The following SERPINA12 variants were observed in gnomAD, a reference collection of about 807,000 sequenced individuals.
The protein encoded by SERPINA12 is serpin family A member 12, also known as serpin A12.
SERPINA12 carries 21 observed loss-of-function variants against 25.9 expected under a neutral mutation model. The ratio of observed to expected loss-of-function variants is 0.81; its 90% confidence interval spans 0.58 to 1.17. The LOEUF (loss-of-function observed/expected upper bound fraction) is 1.17, where lower values mean the gene tolerates loss of function less well. Ranked by LOEUF, SERPINA12 falls within the 50% of genes most tolerant of loss-of-function variation. The pLI is 0.00. For synonymous variants in SERPINA12, 220 were observed against 196.0 expected (o/e 1.12, Z -1.02); for missense variants, 562 against 508.3 (o/e 1.11, Z -1.02).
rs187100244 is a variant in SERPINA12, at chr14:94,507,936, C to T, written c.-34+1406G>A. Among the ~76,000 whole-genome samples, 475 of 152,286 alleles carry T rather than the reference C, an allele frequency of 3.1e-3. 3 individuals carry two copies. Among genetic ancestry groups the T allele is most frequent in the Non-Finnish European group, 5.6e-3 (381 of 68,018 alleles). ...TGTGATAGACCTAAAGTGGAAACAA[C>T]CCAGATGTCCATTTATAGTAGAGAA... On this transcript the variant is annotated intron_variant, in intron 1 of 4. Transcript: ENST00000677451.
chr14:94,510,748 G>A (rs1015153536), upstream of SERPINA12, among the ~76,000 whole-genome samples: 4 of 152,174 alleles, frequency 2.6e-5, no homozygotes, highest in African/African-American at 9.7e-5. Flanking sequence ...ACACACCATG[G>A]AATACCACTC....
Position 94,487,514 on chromosome 14 carries a change from A to AGTCAAG in SERPINA12, c.1054-26_1054-21dup. ...CACAGCCTACGGAAGCCAAGGGCAA[A>AGTCAAG]GTCAAGGTCTGCCAAGCTCCTTGGC... is the stretch of plus-strand genomic sequence containing the variant. On this transcript the variant is annotated intron_variant, in intron 4 of 4. Transcript: ENST00000677451. 6.3e-7 allele frequency: 1 copy of AGTCAAG among 1,588,346 alleles called. No homozygotes were observed. Among genetic ancestry groups the AGTCAAG allele is most frequent in the East Asian group, 2.3e-5 (1 of 44,390 alleles).
chr14:94,509,775 A>C (rs777698837), upstream of SERPINA12, among the ~76,000 whole-genome samples: 2 of 152,244 alleles, frequency 1.3e-5, no homozygotes, highest in Non-Finnish European at 2.9e-5. Context: ...TTTGGCACCC[A>C]GTAAACCTCA....
In SERPINA12 at chr14:94,498,327, C is replaced by T. The variant is rs1232490711; in HGVS notation, c.71G>A (p.Ser24Asn). 2 of 1,614,086 alleles carry T rather than the reference C, an allele frequency of 1.2e-6. No homozygotes were observed. Among genetic ancestry groups the T allele is most frequent in the East Asian group, 2.2e-5 (1 of 44,884 alleles). ...AGCTTTATAATTCCTTGGTGAGAAG[C>T]TCGGCTTTAGAAGACCTTTCACCGT... ...LLTVKGLLKP[S>N]FSPRNYKALS... Residue 24 changes from serine to asparagine, a missense_variant, in exon 2 of 5, where the codon AGC (serine) becomes AAC (asparagine). Ser to Asn is a conservative substitution (Grantham distance 46). Transcript: ENST00000677451.
intron 4 of SERPINA12, 96 bp downstream of exon 4, chr14:94,489,524 T>C: frequency 2.1e-6 from 3 of 1,405,988 alleles, no homozygotes; most frequent in Non-Finnish European, 2.9e-6. Flanking sequence ...GTGGGTGGAG[T>C]CTCGGCTCTG....
At chr14:94,514,402 A>T (rs146137927), upstream of SERPINA12, among the ~76,000 whole-genome samples, 362 of 152,306 alleles carry the variant, frequency 2.4e-3, 2 homozygotes, top group African/African-American at 8.1e-3. Flanking sequence ...ACAGAGCTGG[A>T]CGCCACAGCT....
intron 3 of SERPINA12, among the ~76,000 whole-genome samples, chr14:94,492,330 A>G (rs758628289): frequency 2.2e-4 from 33 of 152,114 alleles, no homozygotes; most frequent in Non-Finnish European, 4.1e-4. Flanking sequence ...GACGAAATGG[A>G]GGAATAACTG....
At chr14:94,501,377 A>G (rs74077731) in intron 1 of SERPINA12, among the ~76,000 whole-genome samples, 4,455 of 152,172 alleles carry the variant, frequency 0.029, 225 homozygotes, top group African/African-American at 0.1. Flanking sequence ...GAAGGAACCC[A>G]CAGAAAGCAC....
chr14:94,509,117 A>C (rs529206774), intron 1 of SERPINA12, among the ~76,000 whole-genome samples: 1 of 152,262 alleles, frequency 6.6e-6, no homozygotes, highest in African/African-American at 2.4e-5. Context: ...CCATAAATGA[A>C]AGCATGGCCA....
chr14:94,492,316 G>A (rs1900210281), intron 3 of SERPINA12, among the ~76,000 whole-genome samples: 1 of 152,178 alleles, frequency 6.6e-6, no homozygotes, highest in Non-Finnish European at 1.5e-5. Context: ...TGCAAAGGGG[G>A]AGTGACGAAA....
Position 94,498,531 on chromosome 14 carries a change from T to C in SERPINA12, c.-33-101A>G, listed in dbSNP as rs150114654. On this transcript the variant is annotated intron_variant, in intron 1 of 4. Coordinates refer to ENST00000677451, the MANE Select transcript of SERPINA12 (RefSeq NM_001382267.1). Reference sequence around the variant, plus strand: ...GAAATACAGTGACTATTATGTGTTGTACATAGCAGTTTATGAGTGCTTTGA... The same window carrying C: ...GAAATACAGTGACTATTATGTGTTGCACATAGCAGTTTATGAGTGCTTTGA... The C allele has an allele frequency of 1.6e-3, 1,499 of 958,420 alleles. 9 individuals are homozygous for C. The African/African-American group carries it at 0.018, about 12-fold the overall frequency. The allele number at this position is 958,420 out of a possible 1,614,324, so 59.4% of individuals were successfully genotyped here.
upstream of SERPINA12, among the ~76,000 whole-genome samples, chr14:94,512,558 T>C (rs556950856): frequency 6.6e-6 from 1 of 152,284 alleles, no homozygotes; most frequent in Admixed American, 6.5e-5. Flanking sequence ...GCTGATTCTG[T>C]TCATCCAAGT....
intron 1 of SERPINA12, among the ~76,000 whole-genome samples, chr14:94,505,329 C>T (rs1900893003): frequency 6.6e-6 from 1 of 152,180 alleles, no homozygotes. Flanking sequence ...CCTAGATGAA[C>T]AAGGACATGG....
intron 1 of SERPINA12, among the ~76,000 whole-genome samples, chr14:94,516,838 G>A (rs1216839424): frequency 2.6e-5 from 4 of 152,232 alleles, no homozygotes; most frequent in Non-Finnish European, 5.9e-5. Context: ...TCTGAACACA[G>A]GGGTCAGGGT....
rs201557850 is a variant in SERPINA12 at position 94,498,115 on chromosome 14, G to C, written c.283C>G (p.Leu95Val). ...TTGAACCCCTGCTTGATCTCGTCCA[G>C]GGTGCTGTCCTGGGCACCCAGGCAC... ...MLCLGAQDST[L>V]DEIKQGFNFR... The change falls in exon 2 of 5, where the codon CTG becomes GTG. Residue 95 changes from leucine (L) to valine (V), a missense_variant. Transcript: ENST00000677451. 15 of 1,614,138 alleles carry C rather than the reference G, an allele frequency of 9.3e-6. No homozygotes were observed. The East Asian group carries it at 3.1e-4, about 34-fold the overall frequency.
chr14:94,505,344 A>G (rs1408686856), intron 1 of SERPINA12, among the ~76,000 whole-genome samples: 5 of 152,182 alleles, frequency 3.3e-5, no homozygotes, highest in African/African-American at 1.2e-4. Flanking sequence ...ACATGGGGAT[A>G]TGGGTTCCAG....
Position 94,487,295 on chromosome 14 carries a change from A to G in SERPINA12, c.*8T>C, listed in dbSNP as rs761623047. The G allele has an allele frequency of 7.5e-6, 12 of 1,609,494 alleles. No homozygotes were observed. Among genetic ancestry groups the G allele is most frequent in the Non-Finnish European group, 1.0e-5 (12 of 1,176,840 alleles). ...TGTTCGGGGTCTGTGGCAAGCAGGA[A>G]TTCTCCTTTATTTTCCAATAGGGTT... On this transcript the variant is annotated 3_prime_UTR_variant, in exon 5 of 5. Transcript: ENST00000677451.
chr14:94,499,591 C>A (rs1900625622), intron 1 of SERPINA12, among the ~76,000 whole-genome samples: 1 of 152,204 alleles, frequency 6.6e-6, no homozygotes, highest in Non-Finnish European at 1.5e-5. Flanking sequence ...TAATTTATAT[C>A]TTACATGTCT....
intron 4 of SERPINA12, among the ~76,000 whole-genome samples, 160 bp downstream of exon 4, chr14:94,489,460 C>T (rs910611360): frequency 6.6e-6 from 1 of 152,092 alleles, no homozygotes; most frequent in Non-Finnish European, 1.5e-5. Flanking sequence ...TGTGGTTTGC[C>T]CAGGATCACG....
Sources: gnomAD v4.1 joint callset for allele counts (sites outside exome capture counted in the v4.1 genomes callset) on GRCh38, gnomAD v4.1.1 for gene constraint, MANE v1.5 for transcripts, NCBI Gene and HGNC (gene_info 2026-07-23, HGNC 2026-07-21) for gene names.